Variants in CDH4 observed in about 807,000 individuals in gnomAD.
The protein encoded by CDH4 is cadherin 4.
CDH4 carries 33 observed loss-of-function variants against 86.0 expected under a neutral mutation model. The observed-to-expected ratio is 0.38, with a 90% CI of 0.29 to 0.51. The LOEUF (loss-of-function observed/expected upper bound fraction) is 0.51, where lower values mean the gene tolerates loss of function less well. Among genes scored for constraint, CDH4 ranks in the 20% least tolerant of loss-of-function variants. The pLI is 0.86. For synonymous variants in CDH4, 555 were observed against 549.4 expected (o/e 1.01, Z -0.14); for missense variants, 1,114 against 1,307.4 (o/e 0.85, Z 2.28).
intron 4 of CDH4, among the ~76,000 whole-genome samples, chr20:61,798,608 C>T (rs13040477): frequency 0.19 from 28,587 of 152,192 alleles, 2,795 homozygotes; most frequent in Middle Eastern, 0.25. Context: ...CAAATGCCAC[C>T]TCGGCCAGGC....
intron 2 of CDH4, among the ~76,000 whole-genome samples, chr20:61,557,086 G>C (rs1017424217): frequency 6.6e-5 from 10 of 152,198 alleles, no homozygotes; most frequent in African/African-American, 2.4e-4. Context: ...TGTGGGTGTT[G>C]GGTTCATGGG....
intron 2 of CDH4, among the ~76,000 whole-genome samples, chr20:61,351,902 A>T (rs188183109): frequency 6.6e-6 from 1 of 152,168 alleles, no homozygotes; most frequent in Non-Finnish European, 1.5e-5. Flanking sequence ...TTTTTAGTAG[A>T]GACGGGGTTT....
chr20:61,351,840 G>C (rs117028771), intron 2 of CDH4, among the ~76,000 whole-genome samples: 9,039 of 151,768 alleles, frequency 0.06, 297 homozygotes, highest in Middle Eastern at 0.082. Context: ...CCTAAGCCTC[G>C]CGAGTAGCTG....
rs1015303257 is a variant in CDH4 at position 61,676,567 on chromosome 20, G to T, written c.170-66996G>T. 1.1e-4 allele frequency among the ~76,000 whole-genome samples: 17 copies of T among 152,078 alleles called. No homozygotes were observed. The highest frequency in any genetic ancestry group is 3.1e-4 in the African/African-American group (13 of 41,402). On this transcript the variant is annotated intron_variant, in intron 2 of 15. Transcript: ENST00000614565. The surrounding 1 kb of genome is among the most constrained non-coding windows in gnomAD (Gnocchi z 4.5). ...GGATGGGTCTGCTTGGAGACCCCGG[G>T]TCAGGCTGTGACAGTGCCCTGGCTC...
chr20:61,321,066 G>A (rs1455003553), intron 2 of CDH4, among the ~76,000 whole-genome samples: 14 of 152,142 alleles, frequency 9.2e-5, no homozygotes, highest in Non-Finnish European at 1.8e-4. Flanking sequence ...GTGGGTCCTC[G>A]GTGGGGTGGC....
chr20:61,843,933 C>T (rs149855059), intron 4 of CDH4, among the ~76,000 whole-genome samples: 27 of 152,314 alleles, frequency 1.8e-4, no homozygotes, highest in African/African-American at 5.5e-4. Flanking sequence ...CTCTGGGAAG[C>T]GCCACTCACC....
chr20:61,888,011 C>G (rs1984624465), intron 7 of CDH4, among the ~76,000 whole-genome samples: 1 of 152,286 alleles, frequency 6.6e-6, no homozygotes, highest in South Asian at 2.1e-4. Flanking sequence ...CAAATCTGTC[C>G]TGGGAGGGGG....
At chr20:61,673,228 A>G (rs1182567332) in intron 2 of CDH4, among the ~76,000 whole-genome samples, 1 of 152,192 alleles carries the variant, frequency 6.6e-6, no homozygotes, top group Non-Finnish European at 1.5e-5. Context: ...GTTTTTGGCC[A>G]CCAGACTTGT....
At chr20:61,603,834 T>G (rs906106569) in intron 2 of CDH4, among the ~76,000 whole-genome samples, 1 of 151,742 alleles carries the variant, frequency 6.6e-6, no homozygotes, top group Non-Finnish European at 1.5e-5. Context: ...AATGAGAAAA[T>G]AGGGGAAAAT....
intron 2 of CDH4, among the ~76,000 whole-genome samples, chr20:61,322,235 C>G (rs2084512774): frequency 6.6e-6 from 1 of 152,214 alleles, no homozygotes; most frequent in Admixed American, 6.5e-5. Flanking sequence ...ATTTGACTAA[C>G]TACCCCCCAT....
chr20:61,845,123 A>AT (rs1433901288), intron 5 of CDH4, among the ~76,000 whole-genome samples: 7 of 152,324 alleles, frequency 4.6e-5, no homozygotes, highest in Admixed American at 4.6e-4. Context: ...GAAGGCCTCC[A>AT]TCCACGTGGT....
rs557193174 is a variant in CDH4 at position 61,803,837 on chromosome 20, AAC to A, written c.576+30660_576+30661del. ...CAGCTTAGAAAACTCAAAACTGAAA[AAC>A]ACACGCCACCCAGGAAGGACAGGAG... On this transcript the variant is annotated intron_variant, in intron 4 of 15. Coordinates refer to ENST00000614565, the MANE Select transcript of CDH4 (RefSeq NM_001794.5). Among the ~76,000 whole-genome samples the A allele has an allele frequency of 3.3e-4, 50 of 152,354 alleles. No individual in the cohort carries two copies. The South Asian group carries it at 0.01, about 31-fold the overall frequency.
At chr20:61,687,435 C>T (rs1007026788) in intron 2 of CDH4, among the ~76,000 whole-genome samples, 1 of 152,152 alleles carries the variant, frequency 6.6e-6, no homozygotes, top group Non-Finnish European at 1.5e-5. Context: ...TGGGCGCCCC[C>T]GGGGACCCAC....
In CDH4 at chr20:61,469,333, T is replaced by C. The variant is rs548727209; in HGVS notation, c.169+214396T>C. On this transcript the variant is annotated intron_variant, in intron 2 of 15. Transcript: ENST00000614565. ...CAGTGATACTGAGCACATTTCCATA[T>C]ATCTGTTTGCCATTTGTACATCATC... Among the ~76,000 whole-genome samples, 7 of 152,344 alleles carry C rather than the reference T, an allele frequency of 4.6e-5. No homozygotes were observed. The South Asian group carries it at 1.4e-3, about 32-fold the overall frequency.
intron 2 of CDH4, among the ~76,000 whole-genome samples, chr20:61,386,914 G>T (rs755928999): frequency 6.6e-6 from 1 of 152,226 alleles, no homozygotes; most frequent in Non-Finnish European, 1.5e-5. Context: ...GTCAGGACCG[G>T]CCCCAAGACC....
intron 2 of CDH4, among the ~76,000 whole-genome samples, chr20:61,539,814 G>A (rs546333418): frequency 2.6e-5 from 4 of 152,358 alleles, no homozygotes; most frequent in African/African-American, 7.2e-5. Context: ...TGGCTTCTGC[G>A]CATATTCCCT....
intron 2 of CDH4, among the ~76,000 whole-genome samples, chr20:61,589,213 G>C (rs1426420608): frequency 6.6e-6 from 1 of 152,184 alleles, no homozygotes; most frequent in Non-Finnish European, 1.5e-5. Context: ...GCTTCCCAGA[G>C]TGATGAATGC....
At chr20:61,359,044 G>T (rs1001200293) in intron 2 of CDH4, among the ~76,000 whole-genome samples, 2 of 152,110 alleles carry the variant, frequency 1.3e-5, no homozygotes, top group African/African-American at 2.4e-5. Flanking sequence ...AATGTGGAGA[G>T]AGCCAGGCAG....
intron 6 of CDH4, among the ~76,000 whole-genome samples, chr20:61,872,864 A>G (rs1423642300): frequency 2.0e-5 from 3 of 152,356 alleles, no homozygotes; most frequent in Non-Finnish European, 2.9e-5. Flanking sequence ...CTCAGTAGGC[A>G]GGGACTAAAG....
Sources: allele counts gnomAD v4.1 joint callset (sites outside exome capture counted in the v4.1 genomes callset), GRCh38; gene constraint gnomAD v4.1.1; non-coding constraint Gnocchi (gnomAD v3.1); transcripts MANE v1.5; gene names NCBI Gene and HGNC (gene_info 2026-07-23, HGNC 2026-07-21).